Variants in PRKN observed in about 807,000 individuals in gnomAD.
The protein encoded by PRKN is parkin RBR E3 ubiquitin protein ligase.
In PRKN, 56 loss-of-function variants were observed where a neutral mutation model predicts 59.5. The ratio of observed to expected loss-of-function variants is 0.94; its 90% CI spans 0.76 to 1.18. PRKN has a LOEUF of 1.18. Among genes scored for constraint, PRKN ranks in the 50% most tolerant of loss-of-function variants. The pLI is 0.00. For synonymous variants in PRKN, 250 were observed against 222.1 expected (o/e 1.13, Z -1.12); for missense variants, 657 against 596.4 (o/e 1.10, Z -1.06).
chr6:161,697,439 T>C (rs946579263), intron 7 of PRKN, among the ~76,000 whole-genome samples: 7 of 152,206 alleles, frequency 4.6e-5, no homozygotes, highest in African/African-American at 7.2e-5. Flanking sequence ...AAGAGCACTC[T>C]TTACTCACAG....
intron 2 of PRKN, among the ~76,000 whole-genome samples, chr6:162,398,553 G>A (rs1179776051): frequency 6.6e-6 from 1 of 152,064 alleles, no homozygotes; most frequent in Non-Finnish European, 1.5e-5. Flanking sequence ...ACCACACCCA[G>A]CTAATTTTTG....
chr6:161,659,420 A>G (rs1232845781), intron 7 of PRKN, among the ~76,000 whole-genome samples: 1 of 152,154 alleles, frequency 6.6e-6, no homozygotes, highest in East Asian at 1.9e-4. Context: ...AGGCCTGGTG[A>G]TGGTACAGTG....
intron 7 of PRKN, among the ~76,000 whole-genome samples, chr6:161,614,903 C>T (rs1340464010): frequency 2.0e-5 from 3 of 152,050 alleles, no homozygotes. Flanking sequence ...GAATTTCCTC[C>T]TTCCATCCCC....
At chr6:161,886,936 T>G (rs1162653011) in intron 6 of PRKN, among the ~76,000 whole-genome samples, 1 of 152,126 alleles carries the variant, frequency 6.6e-6, no homozygotes, top group Non-Finnish European at 1.5e-5. Flanking sequence ...TGGCAATAAA[T>G]TGGGATATGT....
chr6:162,547,271 G>A (rs1383646152), intron 1 of PRKN, among the ~76,000 whole-genome samples: 1 of 152,036 alleles, frequency 6.6e-6, no homozygotes, highest in Non-Finnish European at 1.5e-5. Context: ...TCCTCTCTTC[G>A]TTTATCATCT....
At position 161,544,716 on chromosome 6, in the gene PRKN, T is replaced by C. The variant is rs1021439355; in HGVS notation, c.1083+4138A>G. On this transcript the variant is annotated intron_variant, in intron 9 of 11. Transcript: ENST00000366898. This position sits in a 1 kb window ranked among gnomAD's most constrained non-coding sequence, Gnocchi z 5.5. The stretch of plus-strand genomic sequence containing the variant: ...ATAAATTTACTGGATCCACCCCACA[T>C]TTATCAGGCCTTTCCTAGGTGGACT... Among the ~76,000 whole-genome samples, 2 of 152,166 alleles carry C rather than the reference T, an allele frequency of 1.3e-5. No homozygotes were observed. Among genetic ancestry groups the C allele is most frequent in the South Asian group, 2.1e-4 (1 of 4,830 alleles).
intron 7 of PRKN, among the ~76,000 whole-genome samples, chr6:161,712,036 A>G (rs1163132036): frequency 1.3e-5 from 2 of 152,122 alleles, no homozygotes; most frequent in Non-Finnish European, 2.9e-5. Context: ...ATGTGAGTCA[A>G]TTATCTTTAA....
At chr6:162,438,449 CAT>C (rs1789889131) in intron 2 of PRKN, among the ~76,000 whole-genome samples, 1 of 151,852 alleles carries the variant, frequency 6.6e-6, no homozygotes, top group South Asian at 2.1e-4. Flanking sequence ...TTTCTTTAGC[CAT>C]TCTTTTAGGG....
chr6:161,769,512 C>G (rs1412592273), intron 7 of PRKN, among the ~76,000 whole-genome samples: 2 of 152,096 alleles, frequency 1.3e-5, no homozygotes, highest in Admixed American at 6.5e-5. Context: ...AGAGGAATAT[C>G]TTTTTGACAG....
chr6:161,813,938 T>C (rs1465221306), intron 6 of PRKN, among the ~76,000 whole-genome samples: 1 of 152,202 alleles, frequency 6.6e-6, no homozygotes, highest in Non-Finnish European at 1.5e-5. Flanking sequence ...ATTATTTGGA[T>C]TGATTCTGTT....
rs1397670791 is a variant in PRKN, at chr6:161,933,145, T to G, written c.734+40157A>C. On this transcript the variant is annotated intron_variant, in intron 6 of 11. Transcript: ENST00000366898. ...AAATAAAAAAGTTAGCTAGGTGTGG[T>G]GATGCACATCTGTAATCCCAGCTAC... 2.6e-5 allele frequency among the ~76,000 whole-genome samples: 4 copies of G among 152,188 alleles called. No homozygotes were observed. In the East Asian group the frequency reaches 5.8e-4, roughly 22 times the overall value.
At chr6:161,884,804 G>T (rs1446620173) in intron 6 of PRKN, among the ~76,000 whole-genome samples, 2 of 118,446 alleles carry the variant, frequency 1.7e-5, no homozygotes, top group Non-Finnish European at 3.8e-5. Context: ...TACATTTATT[G>T]TCTACACAAA....
In PRKN at chr6:161,457,073, T is replaced by C. The variant is rs1247158677; in HGVS notation, c.1084-70196A>G. Among the ~76,000 whole-genome samples, 2 of 152,226 alleles carry C rather than the reference T, an allele frequency of 1.3e-5. No individual in the cohort carries two copies. The highest frequency in any genetic ancestry group is 4.8e-5 in the African/African-American group (2 of 41,460). Reference sequence around the variant, plus strand: ...TAGTCCAACTTCCTCCTTTAACAAATATCCACTGAGCGTCTTCGCTACGCA... The same window carrying C: ...TAGTCCAACTTCCTCCTTTAACAAACATCCACTGAGCGTCTTCGCTACGCA... On this transcript the variant is annotated intron_variant, in intron 9 of 11. Transcript: ENST00000366898. The surrounding 1 kb of genome is among the most constrained non-coding windows in gnomAD (Gnocchi z 5.0).
At chr6:161,880,276 C>T (rs529157851) in intron 6 of PRKN, among the ~76,000 whole-genome samples, 12 of 152,068 alleles carry the variant, frequency 7.9e-5, no homozygotes, top group African/African-American at 9.7e-5. Flanking sequence ...GTTCCATGTT[C>T]GATAACATGT....
At chr6:161,874,937 T>C (rs1392441620) in intron 6 of PRKN, among the ~76,000 whole-genome samples, 1 of 88,174 alleles carries the variant, frequency 1.1e-5, no homozygotes, top group Non-Finnish European at 1.9e-5. Flanking sequence ...AAATATAATA[T>C]AATATATTAT....
At chr6:161,508,368 T>C (rs1778251046) in intron 9 of PRKN, among the ~76,000 whole-genome samples, 1 of 152,216 alleles carries the variant, frequency 6.6e-6, no homozygotes, top group Non-Finnish European at 1.5e-5. Flanking sequence ...GAACAAGATA[T>C]AAAACTCCTT....
intron 1 of PRKN, among the ~76,000 whole-genome samples, chr6:162,668,647 CAA>C (rs1779199800): frequency 6.6e-6 from 1 of 152,156 alleles, no homozygotes; most frequent in African/African-American, 2.4e-5. Flanking sequence ...AACAGCCACT[CAA>C]GAAGTTCCTA....
intron 6 of PRKN, among the ~76,000 whole-genome samples, chr6:161,813,769 T>C (rs555312694): frequency 6.6e-6 from 1 of 152,260 alleles, no homozygotes; most frequent in Non-Finnish European, 1.5e-5. Flanking sequence ...CTCTTGGCCA[T>C]CCTCTTCCTC....
intron 6 of PRKN, among the ~76,000 whole-genome samples, chr6:161,940,303 GAAA>G (rs1562404568): frequency 6.6e-6 from 1 of 151,686 alleles, no homozygotes; most frequent in African/African-American, 2.4e-5. Context: ...GAAAAGAAAA[GAAA>G]AAGAAAAAAG....
Sources: allele counts gnomAD v4.1 joint callset (sites outside exome capture counted in the v4.1 genomes callset), GRCh38; gene constraint gnomAD v4.1.1; non-coding constraint Gnocchi (gnomAD v3.1); transcripts MANE v1.5; gene names NCBI Gene and HGNC (gene_info 2026-07-23, HGNC 2026-07-21).